The following RGS6 variants were observed in gnomAD, a reference collection of about 807,000 sequenced individuals.
RGS6 encodes regulator of G protein signaling 6, also known as regulator of G-protein signaling 6.
Under a neutral mutation model 78.5 loss-of-function variants are expected in RGS6, and 30 were observed. The ratio of observed to expected loss-of-function variants is 0.38; its 90% CI spans 0.29 to 0.52. The LOEUF is 0.52. Among genes scored for constraint, RGS6 ranks in the 20% least tolerant of loss-of-function variants. The pLI is 0.85. For synonymous variants in RGS6, 206 were observed against 206.0 expected (o/e 1.00, Z 0.00); for missense variants, 495 against 609.7 (o/e 0.81, Z 1.98).
At chr14:71,969,289 C>T (rs565134884) in intron 2 of RGS6, among the ~76,000 whole-genome samples, 7 of 152,082 alleles carry the variant, frequency 4.6e-5, no homozygotes, top group South Asian at 2.1e-4. Flanking sequence ...TTTGCTTCTT[C>T]GGTAAAGATT....
At chr14:72,106,529 C>T (rs1234310704) in intron 2 of RGS6, among the ~76,000 whole-genome samples, 1 of 152,158 alleles carries the variant, frequency 6.6e-6, no homozygotes, top group African/African-American at 2.4e-5. Context: ...ACTTCAGAAG[C>T]CCCTCCATGT....
intron 2 of RGS6, among the ~76,000 whole-genome samples, chr14:72,299,087 A>G (rs1373433109): frequency 1.3e-5 from 2 of 152,122 alleles, no homozygotes; most frequent in Non-Finnish European, 2.9e-5. Context: ...CAATTTCCAT[A>G]TTACCTTTTA....
At chr14:72,493,348 C>T (rs1461643168) in intron 12 of RGS6, among the ~76,000 whole-genome samples, 2 of 152,018 alleles carry the variant, frequency 1.3e-5, no homozygotes, top group East Asian at 3.8e-4. Flanking sequence ...AAGAACTAGA[C>T]ACTATGATAA....
intron 2 of RGS6, among the ~76,000 whole-genome samples, chr14:72,126,670 GT>G (rs1424548813): frequency 3.3e-5 from 5 of 152,174 alleles, no homozygotes; most frequent in Admixed American, 1.3e-4. Context: ...TGAGTTCTCT[GT>G]TTTGCATGTG....
At chr14:72,302,115 GCTT>G (rs1315713908) in intron 2 of RGS6, among the ~76,000 whole-genome samples, 3 of 152,188 alleles carry the variant, frequency 2.0e-5, no homozygotes, top group Non-Finnish European at 4.4e-5. Context: ...CCCAACCTCA[GCTT>G]CTTCATCTGC....
At chr14:72,471,300 A>G (rs2096071704) in intron 8 of RGS6, among the ~76,000 whole-genome samples, 1 of 152,190 alleles carries the variant, frequency 6.6e-6, no homozygotes, top group Admixed American at 6.5e-5. Flanking sequence ...TCCCCACCCC[A>G]CAAACATCGT....
At chr14:72,088,075 G>A (rs917944142) in intron 2 of RGS6, among the ~76,000 whole-genome samples, 1 of 152,126 alleles carries the variant, frequency 6.6e-6, no homozygotes, top group Non-Finnish European at 1.5e-5. Flanking sequence ...GAGAAGACCA[G>A]AATCTTTTGG....
chr14:72,090,482 A>G (rs2095230992), intron 2 of RGS6, among the ~76,000 whole-genome samples: 1 of 152,206 alleles, frequency 6.6e-6, no homozygotes. Flanking sequence ...ATGAGAATCT[A>G]ATGCCTGGTG....
chr14:71,968,930 C>G (rs1157326499), intron 2 of RGS6, among the ~76,000 whole-genome samples: 1 of 152,150 alleles, frequency 6.6e-6, no homozygotes, highest in Non-Finnish European at 1.5e-5. Context: ...CACCCATTAA[C>G]TCTCATTTAC....
At chr14:72,403,201 A>G (rs1032489591) in intron 3 of RGS6, among the ~76,000 whole-genome samples, 2 of 152,178 alleles carry the variant, frequency 1.3e-5, no homozygotes, top group Non-Finnish European at 1.5e-5. Context: ...GAATCAACCT[A>G]AGTGTCCATC....
intron 2 of RGS6, among the ~76,000 whole-genome samples, chr14:71,974,136 G>A (rs548438172): frequency 3.9e-5 from 6 of 152,152 alleles, no homozygotes; most frequent in African/African-American, 1.4e-4. Flanking sequence ...CTCCTTTGCA[G>A]TATTCTTACA....
intron 1 of RGS6, among the ~76,000 whole-genome samples, chr14:71,961,270 A>T (rs1205134464): frequency 6.6e-6 from 1 of 152,150 alleles, no homozygotes; most frequent in African/African-American, 2.4e-5. Flanking sequence ...AGAACCTTTG[A>T]AGGAAAGTTA....
intron 2 of RGS6, among the ~76,000 whole-genome samples, chr14:72,212,292 G>A (rs548819529): frequency 6.6e-6 from 1 of 152,290 alleles, no homozygotes; most frequent in Admixed American, 6.5e-5. Context: ...AAATACTCAT[G>A]ATATGTTGTC....
chr14:72,621,817 C>A, the RGS6 span, among the ~76,000 whole-genome samples: 1 of 152,160 alleles, frequency 6.6e-6, no homozygotes. Context: ...AGGGAAGAAG[C>A]CAAGGATGCC....
chr14:71,896,159 G>T, the RGS6 span, among the ~76,000 whole-genome samples: 1 of 152,074 alleles, frequency 6.6e-6, no homozygotes, highest in Non-Finnish European at 1.5e-5. Flanking sequence ...CCAAGAGAGC[G>T]TTCTTGGATC....
intron 2 of RGS6, among the ~76,000 whole-genome samples, chr14:72,321,689 G>T (rs535148308): frequency 1.7e-4 from 26 of 151,942 alleles, no homozygotes; most frequent in Non-Finnish European, 2.9e-4. Context: ...AACGTAGCCT[G>T]AAAAGTTAAG....
At chr14:72,444,799 A>G (rs989070702) in intron 3 of RGS6, among the ~76,000 whole-genome samples, 1 of 152,306 alleles carries the variant, frequency 6.6e-6, no homozygotes, top group African/African-American at 2.4e-5. Context: ...TTAGGAGTGC[A>G]TATGGCAGGA....
At chr14:72,042,111 C>T (rs1241460966) in intron 2 of RGS6, among the ~76,000 whole-genome samples, 2 of 126,810 alleles carry the variant, frequency 1.6e-5, no homozygotes, top group Non-Finnish European at 3.5e-5. Context: ...TAATACTTTC[C>T]TTTTTCTTTT....
At chr14:72,615,785 T>C in the RGS6 span, among the ~76,000 whole-genome samples, 4 of 152,192 alleles carry the variant, frequency 2.6e-5, no homozygotes, top group African/African-American at 9.7e-5. Context: ...AGAATGTCAA[T>C]CTCCTAGCAG....
Sources: gnomAD v4.1 joint callset for allele counts (sites outside exome capture counted in the v4.1 genomes callset) on GRCh38, gnomAD v4.1.1 for gene constraint, MANE v1.5 for transcripts, NCBI Gene and HGNC (gene_info 2026-07-23, HGNC 2026-07-21) for gene names.